The following APOLD1 variants were observed in gnomAD, a reference collection of about 807,000 sequenced individuals.
APOLD1 encodes the protein apolipoprotein L domain-containing protein 1.
In APOLD1, 22 loss-of-function variants were observed where a neutral mutation model predicts 15.3. The ratio of observed to expected loss-of-function variants is 1.44; its 90% CI spans 1.03 to 2.05. The LOEUF is 2.05. Ranked by LOEUF, APOLD1 falls within the 30% of genes most tolerant of loss-of-function variation. The pLI is 0.00. For synonymous variants in APOLD1, 190 were observed against 167.4 expected (o/e 1.13, Z -1.04); for missense variants, 394 against 353.5 (o/e 1.11, Z -0.92).
chr12:12,776,999 C>T (rs1947040831), intron 1 of APOLD1, among the ~76,000 whole-genome samples: 1 of 152,140 alleles, frequency 6.6e-6, no homozygotes, highest in South Asian at 2.1e-4. Flanking sequence ...ACCCGCTATG[C>T]ACTGTATATA....
intron 1 of APOLD1, among the ~76,000 whole-genome samples, chr12:12,755,257 A>AT (rs1478247176): frequency 2.6e-5 from 4 of 152,198 alleles, no homozygotes; most frequent in Admixed American, 2.0e-4. Context: ...ATATAATGAG[A>AT]TCCCTAGCTC....
intron 1 of APOLD1, among the ~76,000 whole-genome samples, chr12:12,738,850 G>A (rs898712591): frequency 2.0e-5 from 3 of 152,196 alleles, no homozygotes; most frequent in African/African-American, 7.2e-5. Flanking sequence ...AAGGTGCATT[G>A]TGGAGTAGAA....
intron 1 of APOLD1, among the ~76,000 whole-genome samples, chr12:12,730,611 G>T (rs921896997): frequency 3.3e-5 from 5 of 149,518 alleles, no homozygotes; most frequent in African/African-American, 1.2e-4. Context: ...AACCTGGGAG[G>T]CAGAGGTTGC....
At chr12:12,782,113 G>C (rs1447072574), upstream of APOLD1, among the ~76,000 whole-genome samples, 1 of 152,002 alleles carries the variant, frequency 6.6e-6, no homozygotes, top group African/African-American at 2.4e-5. Context: ...ACAAAAATTA[G>C]CTGGGCATGG....
chr12:12,741,017 A>C (rs916298972), intron 1 of APOLD1, among the ~76,000 whole-genome samples: 3 of 152,164 alleles, frequency 2.0e-5, no homozygotes, highest in African/African-American at 7.2e-5. Flanking sequence ...TGGGAAAAAA[A>C]CAAACCCATT....
intron 1 of APOLD1, among the ~76,000 whole-genome samples, chr12:12,735,635 G>C (rs1296310794): frequency 1.3e-5 from 2 of 152,138 alleles, no homozygotes; most frequent in African/African-American, 4.8e-5. Context: ...ATAATTTAAA[G>C]GTGACTTGGC....
chr12:12,787,223 T>C lies in APOLD1; in HGVS notation c.318T>C (p.Asp106=). 1 of 1,565,432 alleles carries C rather than the reference T, an allele frequency of 6.4e-7. No homozygotes were observed. The highest frequency in any genetic ancestry group is 8.6e-7 in the Non-Finnish European group (1 of 1,162,404). The change falls in exon 2 of 2, where the codon GAT becomes GAC. Residue 106 remains aspartate, a synonymous_variant. Coordinates refer to ENST00000356591, the MANE Select transcript of APOLD1 (RefSeq NM_030817.3). This position sits in a 1 kb window ranked among gnomAD's most constrained non-coding sequence, Gnocchi z 4.9. The part of the protein sequence containing the change: ...TAGGAVTITS[D]LSLIFCNSRE... ...GAGGGGCCGTCACCATCACGTCCGA[T>C]CTCTCGCTGATCTTCTGCAACTCCC...
At chr12:12,747,709 G>A (rs1483467248) in intron 1 of APOLD1, among the ~76,000 whole-genome samples, 1 of 152,186 alleles carries the variant, frequency 6.6e-6, no homozygotes, top group African/African-American at 2.4e-5. Context: ...AAAAGGAGGA[G>A]GGGTGCTTTT....
At chr12:12,734,539 G>A (rs1946668331) in intron 1 of APOLD1, among the ~76,000 whole-genome samples, 1 of 152,190 alleles carries the variant, frequency 6.6e-6, no homozygotes, top group African/African-American at 2.4e-5. Context: ...GTTAAACGAA[G>A]ATGATTTATA....
At chr12:12,731,559 TAAAG>T (rs1470244978) in intron 1 of APOLD1, among the ~76,000 whole-genome samples, 5 of 152,026 alleles carry the variant, frequency 3.3e-5, no homozygotes, top group Non-Finnish European at 5.9e-5. Context: ...CCCCAATAAA[TAAAG>T]AGTTTCTACA....
chr12:12,784,502 G>T (rs1358521358), upstream of APOLD1, among the ~76,000 whole-genome samples: 2 of 152,136 alleles, frequency 1.3e-5, no homozygotes, highest in African/African-American at 4.8e-5. Flanking sequence ...AAGGACTATG[G>T]TTGTCCTTTC....
intron 1 of APOLD1, among the ~76,000 whole-genome samples, chr12:12,776,958 C>G (rs768440420): frequency 3.3e-5 from 5 of 152,114 alleles, no homozygotes; most frequent in Non-Finnish European, 7.4e-5. Flanking sequence ...AAAAAATGAT[C>G]AAAATTATAT....
upstream of APOLD1, among the ~76,000 whole-genome samples, chr12:12,784,405 G>C (rs143110940): frequency 2.9e-3 from 449 of 152,224 alleles, 3 homozygotes; most frequent in African/African-American, 0.01. Flanking sequence ...CACACTGGAG[G>C]CATCTAGATT....
At chr12:12,748,900 A>G (rs1192334353) in intron 1 of APOLD1, among the ~76,000 whole-genome samples, 1 of 152,200 alleles carries the variant, frequency 6.6e-6, no homozygotes, top group Admixed American at 6.5e-5. Context: ...TTGCCATTTC[A>G]TATTTCTAAA....
In APOLD1 at chr12:12,787,620, T is replaced by A; in HGVS notation, c.715T>A (p.Ser239Thr). 3 of 1,606,840 alleles carry A rather than the reference T, an allele frequency of 1.9e-6. No individual in the cohort carries two copies. Among genetic ancestry groups the A allele is most frequent in the Non-Finnish European group, 2.5e-6 (3 of 1,178,662 alleles). Residue 239 changes from serine (S) to threonine (T), a missense_variant, in exon 2 of 2, where the codon TCT becomes ACT. Transcript: ENST00000356591. The surrounding 1 kb of genome is among the most constrained non-coding windows in gnomAD (Gnocchi z 4.9). ...CAGTCGTGGCCACGACCTCAAGATC[T>A]CTGCTGACCAGCGTGCAGGGCTGTT... The part of the protein sequence containing the change: ...KSSRGHDLKI[S>T]ADQRAGLFF
chr12:12,743,987 A>C (rs931871622), intron 1 of APOLD1, among the ~76,000 whole-genome samples: 1 of 152,128 alleles, frequency 6.6e-6, no homozygotes, highest in Non-Finnish European at 1.5e-5. Context: ...AGTGAGACCC[A>C]TGTTAGACTT....
At chr12:12,737,260 C>T (rs1028844634) in intron 1 of APOLD1, among the ~76,000 whole-genome samples, 1 of 151,892 alleles carries the variant, frequency 6.6e-6, no homozygotes, top group African/African-American at 2.4e-5. Context: ...AAAGAGAGAC[C>T]TCTGCTGGCT....
At position 12,753,407 on chromosome 12, in the gene APOLD1, C is replaced by T. The variant is rs564844664; in HGVS notation, c.96+27311C>T. Among the ~76,000 whole-genome samples the T allele has an allele frequency of 8.5e-5, 13 of 152,070 alleles. No individual in the cohort carries two copies. The East Asian group carries it at 1.5e-3, about 18-fold the overall frequency. ...GGGGTTGGGTGTGATGGCTCATGCC[C>T]GTAATCCCAAAACTTTGGGAGGCCA... On this transcript the variant is annotated intron_variant, in intron 1 of 1. Transcript: ENST00000326765.
intron 1 of APOLD1, among the ~76,000 whole-genome samples, chr12:12,729,043 C>T (rs1380488888): frequency 6.6e-6 from 1 of 152,118 alleles, no homozygotes; most frequent in Non-Finnish European, 1.5e-5. Flanking sequence ...TCTGTCCACT[C>T]AGGACCATAA....
Sources: allele counts gnomAD v4.1 joint callset (sites outside exome capture counted in the v4.1 genomes callset), GRCh38; gene constraint gnomAD v4.1.1; non-coding constraint Gnocchi (gnomAD v3.1); transcripts MANE v1.5; gene names NCBI Gene and HGNC (gene_info 2026-07-23, HGNC 2026-07-21).